CFAP299: variants seen among roughly 807,000 people sequenced by gnomAD.
The protein encoded by CFAP299 is cilia- and flagella-associated protein 299.
In CFAP299, 21 loss-of-function variants were observed where a neutral mutation model predicts 27.0. The ratio of observed to expected loss-of-function variants is 0.78; its 90% CI spans 0.55 to 1.12. The LOEUF is 1.12. Among genes scored for constraint, CFAP299 ranks in the 50% most tolerant of loss-of-function variants. The pLI, the probability that CFAP299 is intolerant of heterozygous loss-of-function variation, is 0.00. For synonymous variants in CFAP299, 104 were observed against 98.1 expected (o/e 1.06, Z -0.36); for missense variants, 310 against 276.6 (o/e 1.12, Z -0.86).
intron 4 of CFAP299, among the ~76,000 whole-genome samples, chr4:80,889,903 A>G (rs1228812401): frequency 6.6e-6 from 1 of 152,118 alleles, no homozygotes; most frequent in Non-Finnish European, 1.5e-5. Flanking sequence ...ATGCTGAGAA[A>G]GCATTTGATA....
At chr4:80,390,758 T>C (rs957729950) in intron 2 of CFAP299, among the ~76,000 whole-genome samples, 3 of 145,240 alleles carry the variant, frequency 2.1e-5, no homozygotes, top group African/African-American at 5.0e-5. Context: ...TATACACACA[T>C]ATGTATATAT....
At chr4:80,865,634 A>C (rs1732676874) in intron 3 of CFAP299, among the ~76,000 whole-genome samples, 1 of 152,124 alleles carries the variant, frequency 6.6e-6, no homozygotes, top group Admixed American at 6.6e-5. Context: ...AAAATATTTT[A>C]TTTTAGCAAA....
At chr4:80,870,575 T>A (rs1437859105) in intron 4 of CFAP299, 12 of 986,662 alleles carry the variant, frequency 1.2e-5, no homozygotes, top group Non-Finnish European at 1.4e-5. Context: ...GGACACCCAT[T>A]CCTTAACACC....
At chr4:80,918,479 A>G (rs1156585451) in intron 4 of CFAP299, among the ~76,000 whole-genome samples, 3 of 152,086 alleles carry the variant, frequency 2.0e-5, no homozygotes, top group African/African-American at 7.2e-5. Flanking sequence ...TTTTCCCGAC[A>G]ATGTTCATGT....
intron 2 of CFAP299, among the ~76,000 whole-genome samples, chr4:80,530,436 T>C (rs1733408560): frequency 6.6e-6 from 1 of 152,180 alleles, no homozygotes; most frequent in African/African-American, 2.4e-5. Flanking sequence ...GCAGTTATGC[T>C]ACAAGCCATT....
intron 3 of CFAP299, among the ~76,000 whole-genome samples, chr4:80,758,092 T>G (rs544919955): frequency 1.4e-4 from 22 of 152,316 alleles, no homozygotes; most frequent in African/African-American, 3.8e-4. Flanking sequence ...GGCTTAAGTG[T>G]TAACAGCTCA....
chr4:80,726,090 T>C (rs1278761937), intron 3 of CFAP299, among the ~76,000 whole-genome samples: 1 of 152,192 alleles, frequency 6.6e-6, no homozygotes, highest in Non-Finnish European at 1.5e-5. Context: ...TTCTACAGTT[T>C]TGTGGATTTC....
chr4:80,712,153 G>T (rs1722212532), intron 3 of CFAP299, among the ~76,000 whole-genome samples: 1 of 152,066 alleles, frequency 6.6e-6, no homozygotes, highest in Admixed American at 6.6e-5. Context: ...AAGGCTAATG[G>T]TGCAAGTCAC....
intron 2 of CFAP299, among the ~76,000 whole-genome samples, chr4:80,575,782 C>T (rs554974277): frequency 2.7e-4 from 41 of 151,802 alleles, no homozygotes; most frequent in African/African-American, 9.4e-4. Flanking sequence ...AGCTATAAAC[C>T]TTTTTAGTAC....
At chr4:80,595,244 A>G (rs984627699) in intron 3 of CFAP299, among the ~76,000 whole-genome samples, 3 of 151,978 alleles carry the variant, frequency 2.0e-5, no homozygotes, top group Admixed American at 6.6e-5. Context: ...TCCTTCTTGT[A>G]TGCAGCCTCC....
intron 2 of CFAP299, among the ~76,000 whole-genome samples, chr4:80,534,109 T>TA (rs1186658727): frequency 6.6e-6 from 1 of 152,166 alleles, no homozygotes; most frequent in Middle Eastern, 3.5e-3. Context: ...AAGATTCTTG[T>TA]AAAAAACTGA....
At chr4:80,767,802 A>AT in intron 3 of CFAP299, among the ~76,000 whole-genome samples, 1 of 152,064 alleles carries the variant, frequency 6.6e-6, no homozygotes, top group South Asian at 2.1e-4. Flanking sequence ...TTATTTATTT[A>AT]TTATTGGATG....
At chr4:80,453,396 T>C (rs1212291689) in intron 2 of CFAP299, among the ~76,000 whole-genome samples, 3 of 152,220 alleles carry the variant, frequency 2.0e-5, no homozygotes, top group African/African-American at 7.2e-5. Flanking sequence ...ATTCTTTTAT[T>C]TCTTCTTAAA....
intron 3 of CFAP299, among the ~76,000 whole-genome samples, chr4:80,701,346 A>G (rs984025094): frequency 1.3e-5 from 2 of 152,094 alleles, no homozygotes; most frequent in Non-Finnish European, 2.9e-5. Context: ...ATCTGAATTC[A>G]AACATTCAGT....
chr4:80,522,220 A>T (rs1357830020), intron 2 of CFAP299, among the ~76,000 whole-genome samples: 1 of 151,700 alleles, frequency 6.6e-6, no homozygotes, highest in Non-Finnish European at 1.5e-5. Flanking sequence ...ATTTTATTTA[A>T]TTGTGGTTTT....
At position 80,588,375 on chromosome 4, in the gene CFAP299, G is replaced by A. The variant is rs1736553805; in HGVS notation, c.333+5192G>A. Among the ~76,000 whole-genome samples the A allele has an allele frequency of 2.0e-5, 3 of 150,454 alleles. No individual in the cohort carries two copies. In the South Asian group the frequency reaches 6.2e-4, roughly 31 times the overall value. On this transcript the variant is annotated intron_variant, in intron 3 of 5. Coordinates refer to ENST00000358105, the MANE Select transcript of CFAP299 (RefSeq NM_152770.3). ...GTGCTCTAGAACTACAGATGCTAAAGCTTAGTTCTAGCCATTTTAGGGAAA... is the reference window on the plus strand; with the variant it reads ...GTGCTCTAGAACTACAGATGCTAAAACTTAGTTCTAGCCATTTTAGGGAAA...
At position 80,496,147 on chromosome 4, in the gene CFAP299, C is replaced by G. The variant is rs138103896; in HGVS notation, c.243-86946C>G. Among the ~76,000 whole-genome samples, 449 of 152,298 alleles carry G rather than the reference C, an allele frequency of 2.9e-3. 3 individuals carry two copies. The highest frequency in any genetic ancestry group is 0.027 in the Middle Eastern group (8 of 294). Reference sequence around the variant, plus strand: ...CTGCATATCCTGCTTGAATTCCTCTCCCTAGAAAGCTGTTTCTTTCTCTAC... The same window carrying G: ...CTGCATATCCTGCTTGAATTCCTCTGCCTAGAAAGCTGTTTCTTTCTCTAC... On this transcript the variant is annotated intron_variant, in intron 2 of 5. Transcript: ENST00000358105.
intron 3 of CFAP299, among the ~76,000 whole-genome samples, chr4:80,668,715 T>A (rs1008090664): frequency 2.0e-5 from 3 of 152,156 alleles, no homozygotes; most frequent in Non-Finnish European, 4.4e-5. Flanking sequence ...CTTTGTAGAA[T>A]ATTTTGAATT....
At chr4:80,352,226 T>C (rs531780405) in intron 1 of CFAP299, among the ~76,000 whole-genome samples, 2 of 152,286 alleles carry the variant, frequency 1.3e-5, no homozygotes, top group Admixed American at 6.5e-5. Context: ...TTTTCAGTAA[T>C]TGATAGAACC....
Sources: allele counts gnomAD v4.1 joint callset (sites outside exome capture counted in the v4.1 genomes callset), GRCh38; gene constraint gnomAD v4.1.1; transcripts MANE v1.5; gene names NCBI Gene and HGNC (gene_info 2026-07-23, HGNC 2026-07-21).